The following GRM8 variants were observed in gnomAD, a reference collection of about 807,000 sequenced individuals.
The protein encoded by GRM8 is glutamate metabotropic receptor 8.
GRM8 carries 47 observed loss-of-function variants against 87.2 expected under a neutral mutation model. The ratio of observed to expected loss-of-function variants is 0.54; its 90% CI spans 0.43 to 0.69. The LOEUF is 0.69. GRM8 is among the 30% of genes least tolerant of loss of function. The probability of loss-of-function intolerance (pLI) is 0.00; values close to 1 mark genes in which losing one functional copy is unlikely to be tolerated. For synonymous variants in GRM8, 396 were observed against 404.5 expected (o/e 0.98, Z 0.25); for missense variants, 1,019 against 1,139.2 (o/e 0.89, Z 1.52).
intron 3 of GRM8, among the ~76,000 whole-genome samples, chr7:126,922,645 G>A (rs544719029): frequency 6.6e-6 from 1 of 152,186 alleles, no homozygotes; most frequent in South Asian, 2.1e-4. Context: ...AAGTGGAAGT[G>A]GGGATGATAT....
intron 3 of GRM8, among the ~76,000 whole-genome samples, chr7:126,929,764 C>T (rs1805543174): frequency 6.6e-6 from 1 of 152,118 alleles, no homozygotes; most frequent in African/African-American, 2.4e-5. Flanking sequence ...CCACATGAGG[C>T]TAGTGTCTAT....
intron 3 of GRM8, among the ~76,000 whole-genome samples, chr7:126,967,054 T>C (rs1809945785): frequency 6.6e-6 from 1 of 152,226 alleles, no homozygotes; most frequent in Admixed American, 6.5e-5. Flanking sequence ...GTTAGATTTA[T>C]TCATCCTGAG....
intron 2 of GRM8, among the ~76,000 whole-genome samples, chr7:127,157,520 T>A (rs1159526537): frequency 6.6e-6 from 1 of 152,156 alleles, no homozygotes; most frequent in Non-Finnish European, 1.5e-5. Context: ...AAATATTTTT[T>A]AAAAAACAAA....
intron 3 of GRM8, among the ~76,000 whole-genome samples, chr7:126,965,595 G>C (rs1809769626): frequency 6.6e-6 from 1 of 151,986 alleles, no homozygotes; most frequent in Non-Finnish European, 1.5e-5. Flanking sequence ...CAAGATACCT[G>C]AAATATCACT....
intron 3 of GRM8, among the ~76,000 whole-genome samples, chr7:126,972,161 T>C (rs1415392704): frequency 6.6e-6 from 1 of 152,188 alleles, no homozygotes; most frequent in Non-Finnish European, 1.5e-5. Flanking sequence ...ACATGTCTAT[T>C]AGGAAAAAAC....
At chr7:126,445,512 T>G (rs746913259) in intron 10 of GRM8, 1 of 152,312 alleles carries the variant, frequency 6.6e-6, no homozygotes, top group Non-Finnish European at 1.5e-5. Context: ...TAGAAAAGAT[T>G]CTATTTCCAG....
At chr7:126,643,381 T>TA (rs11442911) in intron 7 of GRM8, among the ~76,000 whole-genome samples, 60,641 of 109,766 alleles carry the variant, frequency 0.55, 16,632 homozygotes, top group South Asian at 0.68. Context: ...TCACTGTAGG[T>TA]AAAAAAAAAA....
intron 1 of GRM8, chr7:127,251,184 C>A (rs1798845002): frequency 6.6e-6 from 1 of 152,188 alleles, no homozygotes; most frequent in Admixed American, 6.5e-5. Flanking sequence ...CTTGGGTGCG[C>A]AGACACTCTC....
chr7:127,075,744 G>A (rs1244369219), intron 3 of GRM8, among the ~76,000 whole-genome samples: 1 of 152,078 alleles, frequency 6.6e-6, no homozygotes, highest in East Asian at 1.9e-4. Context: ...ATTGGGGGAG[G>A]GAGAGGAAGG....
intron 3 of GRM8, among the ~76,000 whole-genome samples, chr7:126,950,002 T>C (rs1037832567): frequency 1.7e-4 from 26 of 152,194 alleles, no homozygotes; most frequent in African/African-American, 6.0e-4. Context: ...ATTCCCTCAC[T>C]TTGCAGTACC....
At chr7:126,569,365 C>A (rs1794504991) in intron 8 of GRM8, among the ~76,000 whole-genome samples, 1 of 152,176 alleles carries the variant, frequency 6.6e-6, no homozygotes, top group Non-Finnish European at 1.5e-5. Flanking sequence ...TATTTAATGA[C>A]CATGACAGGC....
chr7:126,951,034 T>G (rs566170197), intron 3 of GRM8, among the ~76,000 whole-genome samples: 9 of 152,128 alleles, frequency 5.9e-5, no homozygotes, highest in Admixed American at 4.6e-4. Context: ...AAGAAGATAT[T>G]GTCATATATC....
chr7:127,109,645 C>T (rs1470441067), intron 2 of GRM8, among the ~76,000 whole-genome samples: 1 of 152,196 alleles, frequency 6.6e-6, no homozygotes, highest in Non-Finnish European at 1.5e-5. Flanking sequence ...AAGCCTCCGC[C>T]ATCTAACATT....
intron 3 of GRM8, among the ~76,000 whole-genome samples, chr7:127,000,845 T>C (rs17863177): frequency 0.15 from 23,098 of 151,656 alleles, 2,018 homozygotes; most frequent in Non-Finnish European, 0.21. Flanking sequence ...ATGGTTAAAA[T>C]AGCAAATTTT....
intron 3 of GRM8, among the ~76,000 whole-genome samples, chr7:127,103,113 G>C (rs542418569): frequency 6.6e-6 from 1 of 152,332 alleles, no homozygotes; most frequent in Non-Finnish European, 1.5e-5. Flanking sequence ...AAAGTGCTGG[G>C]ATTACAGGCA....
chr7:126,993,244 G>A (rs1812851917), intron 3 of GRM8, among the ~76,000 whole-genome samples: 1 of 151,992 alleles, frequency 6.6e-6, no homozygotes, highest in Non-Finnish European at 1.5e-5. Context: ...TATCATTGCT[G>A]GATAATTCAC....
chr7:127,064,142 T>C (rs1215287094), intron 3 of GRM8, among the ~76,000 whole-genome samples: 1 of 152,236 alleles, frequency 6.6e-6, no homozygotes, highest in Non-Finnish European at 1.5e-5. Flanking sequence ...ATAATATCCA[T>C]TTGGTCCAAT....
chr7:126,849,508 C>A (rs940159470), intron 6 of GRM8, among the ~76,000 whole-genome samples: 3 of 152,184 alleles, frequency 2.0e-5, no homozygotes, highest in African/African-American at 7.2e-5. Context: ...AGAATAAGTA[C>A]ATGGAAAATG....
intron 3 of GRM8, among the ~76,000 whole-genome samples, chr7:126,996,866 T>C (rs1194481691): frequency 6.6e-6 from 1 of 151,990 alleles, no homozygotes. Context: ...CATCCCACTT[T>C]CAACATTGTT....
Sources: gnomAD v4.1 joint callset for allele counts (sites outside exome capture counted in the v4.1 genomes callset) on GRCh38, gnomAD v4.1.1 for gene constraint, MANE v1.5 for transcripts, NCBI Gene and HGNC (gene_info 2026-07-23, HGNC 2026-07-21) for gene names.